TULP4: variants seen among roughly 807,000 people sequenced by gnomAD.
TULP4 encodes the protein TUB like protein 4, also known as tubby-related protein 4.
In TULP4, 16 loss-of-function variants were observed where a neutral mutation model predicts 129.0. The observed-to-expected ratio is 0.12, with a 90% CI of 0.08 to 0.19. The LOEUF (loss-of-function observed/expected upper bound fraction) is 0.19, where lower values mean the gene tolerates loss of function less well. Among genes scored for constraint, TULP4 ranks in the 10% least tolerant of loss-of-function variants. The pLI is 1.00. For synonymous variants in TULP4, 998 were observed against 854.0 expected, an observed-to-expected ratio of 1.17 and a Z score of -2.94; for missense variants, 1,842 against 2,059.1, an observed-to-expected ratio of 0.89 and a Z score of 2.04.
At chr6:158,396,445 T>A (rs1777718472) in intron 1 of TULP4, among the ~76,000 whole-genome samples, 1 of 152,196 alleles carries the variant, frequency 6.6e-6, no homozygotes. Context: ...ATAAGTAACA[T>A]AATCAACTTT....
chr6:158,372,033 T>C (rs1041310707), intron 1 of TULP4, among the ~76,000 whole-genome samples: 12 of 151,972 alleles, frequency 7.9e-5, no homozygotes, highest in Non-Finnish European at 5.9e-5. Context: ...CAGGCTGGTC[T>C]CAAACTCCTA....
In TULP4 at chr6:158,501,575, T is replaced by G. The variant is rs551473495; in HGVS notation, c.2015-103T>G. On this transcript the variant is annotated intron_variant, in intron 12 of 13. Transcript: ENST00000367097. ...TCTCTGTCTCTGGCAATTTGCATTT[T>G]GTTTACAGAAGGAGACTGGATGAGT... 1.7e-4 allele frequency: 210 copies of G among 1,203,306 alleles called. No individual in the cohort carries two copies. In the African/African-American group the frequency reaches 3.0e-3, roughly 17 times the overall value. 74.5% of individuals were successfully genotyped at this position (1,203,306 alleles called of 1,614,324 possible).
intron 1 of TULP4, among the ~76,000 whole-genome samples, chr6:158,382,484 T>G (rs1777352370): frequency 1.3e-5 from 2 of 152,200 alleles, no homozygotes; most frequent in Non-Finnish European, 2.9e-5. Context: ...TTTTGCCATT[T>G]GCCATGCTCC....
At chr6:158,242,476 A>G (rs909414989) in intron 1 of TULP4, 15 of 851,838 alleles carry the variant, frequency 1.8e-5, no homozygotes, top group Non-Finnish European at 3.1e-5. Flanking sequence ...TGTAACACTT[A>G]TCCATAAAGC....
At chr6:158,262,655 G>A (rs891037955) in intron 1 of TULP4, among the ~76,000 whole-genome samples, 5 of 152,100 alleles carry the variant, frequency 3.3e-5, no homozygotes, top group East Asian at 1.9e-4. Context: ...TGAGGATTCC[G>A]GAAGAGTCTG....
In TULP4 at chr6:158,238,220, G is replaced by C. The variant is rs1346812809; in HGVS notation, n.68+5917G>C. Reference sequence around the variant, plus strand: ...TGCCATGGTCAGCTTAATTTCAATTGCATTTTCTTGATGCTGATCTGAAAA... The same window carrying C: ...TGCCATGGTCAGCTTAATTTCAATTCCATTTTCTTGATGCTGATCTGAAAA... On this transcript the variant is annotated intron_variant and non_coding_transcript_variant, in intron 1 of 1. Transcript: ENST00000620026. 4.6e-6 allele frequency: 4 copies of C among 866,548 alleles called. No homozygotes were observed. In the African/African-American group the frequency reaches 5.1e-5, roughly 11 times the overall value. 53.7% of individuals were successfully genotyped at this position (866,548 alleles called of 1,614,324 possible). A position where few individuals can be genotyped will look rare whatever the true frequency, so the allele number is the denominator to read the frequency against.
At chr6:158,278,675 A>G (rs1778688051), upstream of TULP4, among the ~76,000 whole-genome samples, 1 of 152,080 alleles carries the variant, frequency 6.6e-6, no homozygotes, top group Non-Finnish European at 1.5e-5. Context: ...CATTTTACCT[A>G]TTTTATTAGT....
intron 1 of TULP4, among the ~76,000 whole-genome samples, chr6:158,259,001 G>A (rs905483986): frequency 2.6e-5 from 4 of 152,204 alleles, no homozygotes; most frequent in South Asian, 2.1e-4. Flanking sequence ...AGGCTGAGGC[G>A]GGTGGATCAC....
At chr6:158,405,218 T>G (rs1032084477) in intron 1 of TULP4, among the ~76,000 whole-genome samples, 1 of 152,208 alleles carries the variant, frequency 6.6e-6, no homozygotes, top group African/African-American at 2.4e-5. Flanking sequence ...AAGTAAAATA[T>G]GGTCATTGTG....
chr6:158,502,304 A>G lies in TULP4; in HGVS notation c.2641A>G (p.Thr881Ala). Residue 881 changes from threonine to alanine, a missense_variant, in exon 13 of 14, where the codon ACC (threonine) becomes GCC (alanine). Transcript: ENST00000367097. ...CTACCCCACGTCAGTGCACTACCAG[A>G]CCCCCCTGGGCTATGAGAGGATCAC... ...SLYPTSVHYQ[T>A]PLGYERITTF... 1.2e-6 allele frequency: 2 copies of G among 1,609,974 alleles called. No homozygotes were observed. The highest frequency in any genetic ancestry group is 1.7e-4 in the Middle Eastern group (1 of 6,056).
At chr6:158,327,202 C>G (rs897735198) in intron 1 of TULP4, among the ~76,000 whole-genome samples, 2 of 152,158 alleles carry the variant, frequency 1.3e-5, no homozygotes, top group Non-Finnish European at 2.9e-5. Flanking sequence ...ACTATTATTA[C>G]TCTAGGTCCT....
chr6:158,262,635 T>C (rs1778371642), intron 1 of TULP4, among the ~76,000 whole-genome samples: 1 of 152,146 alleles, frequency 6.6e-6, no homozygotes, highest in African/African-American at 2.4e-5. Context: ...CATTCTGTTA[T>C]CCTTTTCAGT....
intron 5 of TULP4, among the ~76,000 whole-genome samples, chr6:158,454,359 T>G (rs1779244494): frequency 6.6e-6 from 1 of 152,218 alleles, no homozygotes; most frequent in Admixed American, 6.5e-5. Context: ...CTTAACTTTT[T>G]TCTTCAAAAT....
At chr6:158,431,575 C>T (rs572154449) in intron 3 of TULP4, among the ~76,000 whole-genome samples, 1 of 152,310 alleles carries the variant, frequency 6.6e-6, no homozygotes, top group South Asian at 2.1e-4. Flanking sequence ...CAGACCTCTC[C>T]TTACACAGAA....
At chr6:158,296,289 G>A (rs1169223401) in intron 1 of TULP4, among the ~76,000 whole-genome samples, 11 of 151,428 alleles carry the variant, frequency 7.3e-5, no homozygotes, top group Non-Finnish European at 8.8e-5. Context: ...GGGGGAACCC[G>A]CCCCCAATAT....
At chr6:158,440,815 A>G (rs1387041545) in intron 3 of TULP4, among the ~76,000 whole-genome samples, 1 of 152,194 alleles carries the variant, frequency 6.6e-6, no homozygotes, top group Non-Finnish European at 1.5e-5. Flanking sequence ...TTTGTGGAAT[A>G]AAATATGTTT....
At chr6:158,327,974 G>A (rs1463843643) in intron 1 of TULP4, among the ~76,000 whole-genome samples, 1 of 151,950 alleles carries the variant, frequency 6.6e-6, no homozygotes, top group Non-Finnish European at 1.5e-5. Context: ...ACTGCCAAAG[G>A]TCAGCATCCA....
At chr6:158,461,526 C>A in intron 5 of TULP4, 37 bp from the exon 6 acceptor site, 1 of 1,598,104 alleles carries the variant, frequency 6.3e-7, no homozygotes, top group Non-Finnish European at 8.5e-7. Flanking sequence ...TTGAGGAGGG[C>A]TGTGTCCTTG....
At chr6:158,240,495 G>A (rs1350785183) in intron 1 of TULP4, among the ~76,000 whole-genome samples, 3 of 86,592 alleles carry the variant, frequency 3.5e-5, no homozygotes, top group South Asian at 7.9e-4. Flanking sequence ...CTCCCTCCCG[G>A]ACAGGGCGGC....
Sources: gnomAD v4.1 joint callset for allele counts (sites outside exome capture counted in the v4.1 genomes callset) on GRCh38, gnomAD v4.1.1 for gene constraint, MANE v1.5 for transcripts, NCBI Gene and HGNC (gene_info 2026-07-23, HGNC 2026-07-21) for gene names.